GALNT5: variants seen among roughly 807,000 people sequenced by gnomAD.
The protein encoded by GALNT5 is UDP-GalNAc:polypeptide N-acetylgalactosaminyltransferase 5.
In GALNT5, 72 loss-of-function variants were observed where a neutral mutation model predicts 85.4. The observed-to-expected ratio is 0.84, with a 90% CI of 0.70 to 1.03. The LOEUF is 1.03. GALNT5 is among the 50% of genes least tolerant of loss of function. GALNT5 has a pLI of 0.00. For missense variants in GALNT5, 1,137 were observed against 1,135.5 expected (o/e 1.00, Z -0.02); for synonymous variants, 404 against 397.0 (o/e 1.02, Z -0.21).
intron 1 of GALNT5, among the ~76,000 whole-genome samples, chr2:157,263,048 C>T (rs1682383596): frequency 6.6e-6 from 1 of 151,570 alleles, no homozygotes; most frequent in South Asian, 2.1e-4. Flanking sequence ...AGGATGGTCT[C>T]GATCTCCTGA....
chr2:157,308,546 C>A lies in GALNT5; in HGVS notation c.2521-21C>A, dbSNP rs779027013. The A allele has an allele frequency of 6.3e-6, 10 of 1,591,556 alleles. No homozygotes were observed. The South Asian group carries it at 1.0e-4, about 16-fold the overall frequency. On this transcript the variant is annotated intron_variant, in intron 8 of 9. Coordinates refer to ENST00000259056, the MANE Select transcript of GALNT5 (RefSeq NM_014568.3). The stretch of plus-strand genomic sequence containing the variant: ...CTGTGTTTGCTGCCTGAAGTGACCT[C>A]TTTATTCATTTCCCCCACAGCTTCA...
chr2:157,300,442 A>C (rs1683316382), intron 6 of GALNT5, among the ~76,000 whole-genome samples: 1 of 152,238 alleles, frequency 6.6e-6, no homozygotes, highest in African/African-American at 2.4e-5. Flanking sequence ...ATTAAAAAAA[A>C]CTTACATTGA....
intron 5 of GALNT5, 151 bp downstream of exon 5, chr2:157,296,664 C>G: frequency 1.6e-6 from 1 of 636,890 alleles, no homozygotes; most frequent in South Asian, 2.1e-5. Context: ...ACACAGTGTT[C>G]TTGAGAAATT....
rs1683714890 is a variant in GALNT5 at position 157,316,804 on chromosome 2, A to G, written c.*5456A>G. ...AACAGATTTAATGCCTCTGTTTTCA[A>G]CCTAATGGAACAATAGTTATCATTT... On this transcript the variant is annotated 3_prime_UTR_variant, in exon 10 of 10. Coordinates refer to ENST00000259056, the MANE Select transcript of GALNT5 (RefSeq NM_014568.3). 6.6e-6 allele frequency among the ~76,000 whole-genome samples: 1 copy of G among 152,118 alleles called. No homozygotes were observed. The highest frequency in any genetic ancestry group is 1.5e-5 in the Non-Finnish European group (1 of 68,000).
chr2:157,310,807 C>G (rs1683552569), intron 9 of GALNT5, among the ~76,000 whole-genome samples: 1 of 152,178 alleles, frequency 6.6e-6, no homozygotes, highest in East Asian at 1.9e-4. Context: ...TCCAAACTCA[C>G]AAAGACACCT....
At chr2:157,290,112 T>TATATATATATATATATATATATACACAC (rs1416458086) in intron 3 of GALNT5, among the ~76,000 whole-genome samples, 64 of 138,192 alleles carry the variant, frequency 4.6e-4, no homozygotes, top group African/African-American at 1.8e-3. Context: ...TATATATATA[T>TATATATATATATATATATATATACACAC]ACATACACAA....
intron 7 of GALNT5, among the ~76,000 whole-genome samples, chr2:157,303,921 A>C (rs901897798): frequency 1.3e-5 from 2 of 152,200 alleles, no homozygotes; most frequent in Non-Finnish European, 2.9e-5. Flanking sequence ...TTTGAGAAAC[A>C]TTTGTACAAC....
chr2:157,296,448 T>G lies in GALNT5; in HGVS notation c.1932T>G (p.Phe644Leu), dbSNP rs1377642546. ...QRGIFVWPMN[F>L]GWRTIPPDVI... ...GCATCTTTGTGTGGCCCATGAACTT[T>G]GGTTGGAGAACAATTCCTCCAGATG... The change falls in exon 5 of 10, where the codon TTT (phenylalanine) becomes TTG (leucine). Residue 644 changes from phenylalanine (F) to leucine (L), a missense_variant. Transcript: ENST00000259056. 6.2e-7 allele frequency: 1 copy of G among 1,607,576 alleles called. No homozygotes were observed. Among genetic ancestry groups the G allele is most frequent in the Non-Finnish European group, 8.5e-7 (1 of 1,174,094 alleles).
At position 157,296,426 on chromosome 2, in the gene GALNT5, T is replaced by A. The variant is rs1483886249; in HGVS notation, c.1910T>A (p.Ile637Asn). ...ACAGTGGATAACTTTCAAAGAGGCA[T>A]CTTTGTGTGGCCCATGAACTTTGGT... ...YMTVDNFQRG[I>N]FVWPMNFGWR... Residue 637 changes from isoleucine (I) to asparagine (N), a missense_variant, in exon 5 of 10, where the codon ATC (isoleucine) becomes AAC (asparagine). Ile to Asn is a moderately radical substitution (Grantham distance 149). Transcript: ENST00000259056. 1 of 1,610,422 alleles carries A rather than the reference T, an allele frequency of 6.2e-7. No homozygotes were observed. Among genetic ancestry groups the A allele is most frequent in the Non-Finnish European group, 8.5e-7 (1 of 1,176,758 alleles).
chr2:157,277,601 T>C (rs1303549982), intron 1 of GALNT5, among the ~76,000 whole-genome samples: 1 of 152,238 alleles, frequency 6.6e-6, no homozygotes, highest in African/African-American at 2.4e-5. Context: ...TTTTGATCTT[T>C]GTTGGTTTGA....
chr2:157,273,627 TTGC>T (rs1682644133), intron 1 of GALNT5, among the ~76,000 whole-genome samples: 1 of 142,026 alleles, frequency 7.0e-6, no homozygotes, highest in Non-Finnish European at 1.5e-5. Context: ...AGCATATTTC[TTGC>T]TTTTTTTTTT....
intron 3 of GALNT5, among the ~76,000 whole-genome samples, chr2:157,292,694 A>G (rs1452202513): frequency 6.6e-6 from 1 of 151,932 alleles, no homozygotes; most frequent in African/African-American, 2.4e-5. Context: ...ATGGACCACA[A>G]GTAGAAATCG....
intron 2 of GALNT5, 84 bp downstream of exon 2, chr2:157,284,532 T>C (rs1682929284): frequency 5.2e-6 from 5 of 958,336 alleles, no homozygotes; most frequent in South Asian, 1.4e-5. Context: ...GGCAAAATTA[T>C]AGGATAATTT....
chr2:157,271,094 C>T (rs1682573849), intron 1 of GALNT5, among the ~76,000 whole-genome samples: 1 of 144,806 alleles, frequency 6.9e-6, no homozygotes, highest in Non-Finnish European at 1.5e-5. Flanking sequence ...CCAGCCCAGA[C>T]TCTGTCTCAA....
intron 5 of GALNT5, 32 bp from the exon 6 acceptor site, chr2:157,299,516 C>T (rs747192519): frequency 7.7e-7 from 1 of 1,292,384 alleles, no homozygotes; most frequent in Non-Finnish European, 1.1e-6. Flanking sequence ...TCATGAGATG[C>T]AAGTTTAAAA....
chr2:157,287,614 A>C (rs913295793), intron 3 of GALNT5, among the ~76,000 whole-genome samples: 5 of 152,092 alleles, frequency 3.3e-5, no homozygotes, highest in African/African-American at 1.2e-4. Flanking sequence ...TAATTCTATA[A>C]TCCTCACCCC....
Position 157,316,438 on chromosome 2 carries a change from A to T in GALNT5, c.*5090A>T, listed in dbSNP as rs1480931922. 6.6e-6 allele frequency among the ~76,000 whole-genome samples: 1 copy of T among 152,132 alleles called. No individual in the cohort carries two copies. Among genetic ancestry groups the T allele is most frequent in the African/African-American group, 2.4e-5 (1 of 41,414 alleles). On this transcript the variant is annotated 3_prime_UTR_variant, in exon 10 of 10. Transcript: ENST00000259056. ...CCCTTGATCCCTCCAACCTTTAATC[A>T]AAGCTAGCAGATTGCTCATCTTGAA...
At chr2:157,301,606 C>T (rs1683344412) in intron 7 of GALNT5, 1 of 153,686 alleles carries the variant, frequency 6.5e-6, no homozygotes, top group Admixed American at 6.4e-5. Flanking sequence ...AAGAATGGCA[C>T]CAGATGAAGG....
At chr2:157,263,350 T>C (rs576139451) in intron 1 of GALNT5, among the ~76,000 whole-genome samples, 275 of 152,308 alleles carry the variant, frequency 1.8e-3, no homozygotes, top group African/African-American at 5.8e-3. Flanking sequence ...CACTGGTCCC[T>C]TCCCACAGCC....
Sources: allele counts gnomAD v4.1 joint callset (sites outside exome capture counted in the v4.1 genomes callset), GRCh38; gene constraint gnomAD v4.1.1; transcripts MANE v1.5; gene names NCBI Gene and HGNC (gene_info 2026-07-23, HGNC 2026-07-21).